The following UMAD1 variants were observed in gnomAD, a reference collection of about 807,000 sequenced individuals.
The protein encoded by UMAD1 is UBAP1-MVB12-associated (UMA) domain containing 1.
A neutral mutation model predicts 6.1 loss-of-function variants in UMAD1; 8 were observed. That is an observed-to-expected ratio of 1.30 (90% CI 0.76 to 2.35). The LOEUF is 2.35. UMAD1 is among the 30% of genes most tolerant of loss of function. The pLI is 0.00. For synonymous variants in UMAD1, 56 were observed against 31.4 expected, an observed-to-expected ratio of 1.78 and a Z score of -2.61; for missense variants, 130 against 78.4, an observed-to-expected ratio of 1.66 and a Z score of -2.49.
intron 2 of UMAD1, among the ~76,000 whole-genome samples, chr7:7,793,739 A>T (rs1000428699): frequency 1.3e-5 from 2 of 152,224 alleles, no homozygotes; most frequent in African/African-American, 4.8e-5. Flanking sequence ...GTGGGTTAGC[A>T]TTGTCTAAAA....
At chr7:7,787,472 A>G (rs1048072539) in intron 2 of UMAD1, among the ~76,000 whole-genome samples, 66 of 152,248 alleles carry the variant, frequency 4.3e-4, no homozygotes, top group Non-Finnish European at 4.4e-5. Context: ...TCAAATACAT[A>G]TTAGCAACCT....
chr7:7,641,403 T>G (rs1784971122), intron 1 of UMAD1: 1 of 152,238 alleles, frequency 6.6e-6, no homozygotes, highest in Non-Finnish European at 1.5e-5. Context: ...GGTTCTCCCT[T>G]CTGAGGCGTG....
chr7:7,769,602 A>G (rs1436265365), intron 2 of UMAD1, among the ~76,000 whole-genome samples: 2 of 152,168 alleles, frequency 1.3e-5, no homozygotes, highest in Non-Finnish European at 2.9e-5. Context: ...TACCCAGGCC[A>G]ATCAAATTTA....
intron 2 of UMAD1, among the ~76,000 whole-genome samples, chr7:7,756,539 C>G (rs917938): frequency 0.099 from 15,076 of 152,184 alleles, 875 homozygotes; most frequent in Admixed American, 0.18. Context: ...ACCAGCCGCC[C>G]CTTTCTGGTG....
At chr7:7,815,299 T>C (rs77089658) in intron 3 of UMAD1, among the ~76,000 whole-genome samples, 7 of 152,158 alleles carry the variant, frequency 4.6e-5, no homozygotes, top group African/African-American at 1.7e-4. Context: ...TATTTGTATG[T>C]CTATATACAC....
chr7:7,808,283 C>G (rs1464304009), intron 3 of UMAD1, among the ~76,000 whole-genome samples: 3 of 151,898 alleles, frequency 2.0e-5, no homozygotes, highest in African/African-American at 7.2e-5. Flanking sequence ...CTGTGTTCTA[C>G]TAGTCTTGGA....
At chr7:7,715,298 C>T (rs956041701) in intron 2 of UMAD1, 4 of 151,908 alleles carry the variant, frequency 2.6e-5, no homozygotes, top group African/African-American at 4.8e-5. Context: ...ACAGTTTCAT[C>T]AATGATCTTG....
chr7:7,660,756 GGTGAATCTGGCAATTAT>G (rs145399055), intron 1 of UMAD1, among the ~76,000 whole-genome samples: 8,886 of 152,152 alleles, frequency 0.058, 332 homozygotes, highest in Middle Eastern at 0.13. Context: ...TTTCAACCTT[GGTGAATCTGGCAATTAT>G]GTGTCTTGAG....
intron 2 of UMAD1, among the ~76,000 whole-genome samples, chr7:7,714,313 G>C (rs961264937): frequency 1.3e-5 from 2 of 152,224 alleles, no homozygotes; most frequent in African/African-American, 4.8e-5. Context: ...CTGATGAGCA[G>C]ACTTTCTTTG....
At chr7:7,778,708 A>G (rs1782277968) in intron 2 of UMAD1, among the ~76,000 whole-genome samples, 1 of 151,828 alleles carries the variant, frequency 6.6e-6, no homozygotes, top group Non-Finnish European at 1.5e-5. Context: ...GAGCCACCAC[A>G]CTCAGCCTAA....
intron 1 of UMAD1, among the ~76,000 whole-genome samples, chr7:7,656,016 G>C (rs1418061727): frequency 6.6e-6 from 1 of 151,982 alleles, no homozygotes; most frequent in African/African-American, 2.4e-5. Context: ...TGTATTTTTA[G>C]TAGAGACGGG....
intron 3 of UMAD1, among the ~76,000 whole-genome samples, chr7:7,854,425 C>T (rs1398751345): frequency 6.6e-6 from 1 of 151,000 alleles, no homozygotes; most frequent in Non-Finnish European, 1.5e-5. Flanking sequence ...CTGAGGAGGC[C>T]TCAGAAAACT....
intron 2 of UMAD1, among the ~76,000 whole-genome samples, chr7:7,729,656 A>G (rs4725018): frequency 0.078 from 11,899 of 152,098 alleles, 551 homozygotes; most frequent in South Asian, 0.12. Context: ...CCTAGATCCT[A>G]TAGTTAGCCT....
chr7:7,780,817 T>C (rs13233739), intron 2 of UMAD1, among the ~76,000 whole-genome samples: 71,554 of 152,078 alleles, frequency 0.47, 16,850 homozygotes, highest in Non-Finnish European at 0.5. Context: ...TTCTCACTGT[T>C]ATATGATATT....
chr7:7,755,962 A>G lies in UMAD1; in HGVS notation c.83-45708A>G, dbSNP rs187669424. On this transcript the variant is annotated intron_variant, in intron 2 of 3. Transcript: ENST00000682710. ...CTGACACACACTTATCACTAAATAA[A>G]TGTTTTACATGAACAAATGAGTAAA... Among the ~76,000 whole-genome samples the G allele has an allele frequency of 4.6e-5, 7 of 152,390 alleles. No individual in the cohort carries two copies. In the East Asian group the frequency reaches 1.3e-3, roughly 29 times the overall value.
chr7:7,796,413 G>A (rs62434085), intron 2 of UMAD1, among the ~76,000 whole-genome samples: 9,274 of 151,600 alleles, frequency 0.061, 382 homozygotes, highest in Non-Finnish European at 0.086. Context: ...TACCGCACCC[G>A]GCTAATTTTG....
At chr7:7,868,904 G>T (rs1017974529) in intron 3 of UMAD1, among the ~76,000 whole-genome samples, 15 of 152,164 alleles carry the variant, frequency 9.9e-5, no homozygotes, top group Admixed American at 9.8e-4. Flanking sequence ...AAGGGGACCA[G>T]ATCTAGTGCC....
chr7:7,658,310 C>G (rs1785393023), intron 1 of UMAD1, among the ~76,000 whole-genome samples: 1 of 152,226 alleles, frequency 6.6e-6, no homozygotes. Flanking sequence ...ATTTCTTTCT[C>G]TTGCCTGATG....
At chr7:7,787,010 A>T (rs1782473737) in intron 2 of UMAD1, among the ~76,000 whole-genome samples, 1 of 152,224 alleles carries the variant, frequency 6.6e-6, no homozygotes, top group African/African-American at 2.4e-5. Context: ...ACAACTTATT[A>T]GAGATTAGAA....
Sources: gnomAD v4.1 joint callset for allele counts (sites outside exome capture counted in the v4.1 genomes callset) on GRCh38, gnomAD v4.1.1 for gene constraint, MANE v1.5 for transcripts, NCBI Gene and HGNC (gene_info 2026-07-23, HGNC 2026-07-21) for gene names.